The following ATP10D variants were observed in gnomAD, a reference collection of about 807,000 sequenced individuals.
The protein encoded by ATP10D is ATPase phospholipid transporting 10D (putative).
A neutral mutation model predicts 144.8 loss-of-function variants in ATP10D; 89 were observed. The ratio of observed to expected loss-of-function variants is 0.61; its 90% CI spans 0.52 to 0.73. The LOEUF is 0.73. Among genes scored for constraint, ATP10D ranks in the 30% least tolerant of loss-of-function variants. The pLI, the probability that ATP10D is intolerant of heterozygous loss-of-function variation, is 0.00. For synonymous variants in ATP10D, 571 were observed against 615.1 expected (o/e 0.93, Z 1.06); for missense variants, 1,603 against 1,714.8 (o/e 0.93, Z 1.15).
intron 5 of ATP10D, among the ~76,000 whole-genome samples, chr4:47,528,515 A>G (rs1055344418): frequency 5.2e-4 from 39 of 75,274 alleles, no homozygotes; most frequent in South Asian, 8.3e-4. Flanking sequence ...GTGTGTGTGT[A>G]TATATATATA....
At chr4:47,500,631 A>C (rs62300109) in intron 1 of ATP10D, among the ~76,000 whole-genome samples, 20,232 of 152,202 alleles carry the variant, frequency 0.13, 1,485 homozygotes, top group African/African-American at 0.19. Flanking sequence ...CAGGGCTAAT[A>C]TAGGGGAGAA....
At chr4:47,529,943 G>A (rs995189769) in intron 5 of ATP10D, among the ~76,000 whole-genome samples, 16 of 152,096 alleles carry the variant, frequency 1.1e-4, no homozygotes, top group Non-Finnish European at 1.8e-4. Context: ...TTGGTTCTCA[G>A]TTAGAATGTT....
intron 10 of ATP10D, among the ~76,000 whole-genome samples, chr4:47,550,964 A>C (rs1389207658): frequency 6.6e-6 from 1 of 152,248 alleles, no homozygotes; most frequent in Non-Finnish European, 1.5e-5. Context: ...TCCCATACAA[A>C]GGGAGGGAAC....
At chr4:47,519,290 C>A (rs1356046276) in intron 3 of ATP10D, among the ~76,000 whole-genome samples, 1 of 152,112 alleles carries the variant, frequency 6.6e-6, no homozygotes, top group African/African-American at 2.4e-5. Context: ...TGTATTAGTT[C>A]CAACTTTTCC....
At chr4:47,583,849 G>A (rs1241814829) in intron 21 of ATP10D, among the ~76,000 whole-genome samples, 1 of 152,188 alleles carries the variant, frequency 6.6e-6, no homozygotes, top group African/African-American at 2.4e-5. Context: ...GAGTGACTCT[G>A]GAGATGCACA....
chr4:47,519,543 C>G (rs1169864275), intron 3 of ATP10D, among the ~76,000 whole-genome samples: 2 of 152,230 alleles, frequency 1.3e-5, no homozygotes, highest in Non-Finnish European at 2.9e-5. Flanking sequence ...ATGTTTCCAT[C>G]TCCCAACACT....
intron 3 of ATP10D, among the ~76,000 whole-genome samples, chr4:47,515,911 C>T (rs1007109231): frequency 6.6e-6 from 1 of 152,108 alleles, no homozygotes; most frequent in African/African-American, 2.4e-5. Context: ...GCTTCTGTAA[C>T]TCATGTATAA....
chr4:47,506,228 G>C (rs866022452), intron 1 of ATP10D, among the ~76,000 whole-genome samples: 24 of 152,064 alleles, frequency 1.6e-4, no homozygotes, highest in South Asian at 4.2e-4. Flanking sequence ...CCAATGATTG[G>C]ACATGTTGAG....
intron 18 of ATP10D, among the ~76,000 whole-genome samples, chr4:47,576,450 C>T (rs1429291945): frequency 6.6e-6 from 1 of 152,184 alleles, no homozygotes; most frequent in Non-Finnish European, 1.5e-5. Flanking sequence ...GTTAATTACA[C>T]TTAATTTCCT....
intron 16 of ATP10D, among the ~76,000 whole-genome samples, chr4:47,569,605 C>CT (rs1184447792): frequency 6.6e-6 from 1 of 151,934 alleles, no homozygotes; most frequent in African/African-American, 2.4e-5. Flanking sequence ...GGCAAACTAC[C>CT]TTTTTACAAG....
At position 47,516,075 on chromosome 4, in the gene ATP10D, C is replaced by A. The variant is rs190512701; in HGVS notation, c.485+405C>A. Among the ~76,000 whole-genome samples the A allele has an allele frequency of 2.3e-3, 353 of 151,934 alleles. 9 individuals carry two copies. In the East Asian group the frequency reaches 0.057, roughly 25 times the overall value. On this transcript the variant is annotated intron_variant, in intron 3 of 22. Transcript: ENST00000273859. Reference sequence around the variant, plus strand: ...TGAAACCCTGTCTCTACTAAAAATACAAAAATTAGCCGGACGTGGTGGCAG... The same window carrying A: ...TGAAACCCTGTCTCTACTAAAAATAAAAAAATTAGCCGGACGTGGTGGCAG...
Position 47,568,899 on chromosome 4 carries a change from G to T in ATP10D, c.2916G>T (p.Leu972=), listed in dbSNP as rs771442459. The T allele has an allele frequency of 4.3e-6, 7 of 1,614,162 alleles. No individual in the cohort carries two copies. Among genetic ancestry groups the T allele is most frequent in the Non-Finnish European group, 5.9e-6 (7 of 1,180,030 alleles). The change falls in exon 16 of 23, where the codon CTG becomes CTT. Residue 972 remains leucine (L), a synonymous_variant. Transcript: ENST00000273859. Reference sequence around the variant, plus strand: ...AACTTCAGAAGAAAACTCAAGCCCTGCCAGAGCAAGTGTCATTAAGTGAAG... The same window carrying T: ...AACTTCAGAAGAAAACTCAAGCCCTTCCAGAGCAAGTGTCATTAAGTGAAG... ...LKELQKKTQA[L]PEQVSLSEDL...
chr4:47,591,064 G>T lies in ATP10D; in HGVS notation c.3964G>T (p.Gly1322Ter). Residue 1322 changes from glycine (G) to a stop codon, truncating the protein, a stop_gained, in exon 23 of 23, where the codon GGA (glycine) becomes TGA (stop). Coordinates refer to ENST00000273859, the MANE Select transcript of ATP10D (RefSeq NM_020453.4). LOFTEE classifies it low-confidence loss of function (END_TRUNC). ...LPRFVYRVLQ[G>*]SLFPSPILRA... ...TAGGTTTGTATACAGAGTTCTTCAG[G>T]GATCCCTGTTTCCATCTCCAATTCT... 1 of 1,609,534 alleles carries T rather than the reference G, an allele frequency of 6.2e-7. No individual in the cohort carries two copies. Among genetic ancestry groups the T allele is most frequent in the Non-Finnish European group, 8.5e-7 (1 of 1,177,826 alleles).
intron 15 of ATP10D, among the ~76,000 whole-genome samples, chr4:47,564,081 G>A (rs780400880): frequency 1.3e-5 from 2 of 152,064 alleles, no homozygotes; most frequent in African/African-American, 2.4e-5. Context: ...TAGTAGAGAC[G>A]GGGTTTCACC....
At chr4:47,551,839 G>A (rs1319163428) in intron 10 of ATP10D, among the ~76,000 whole-genome samples, 1 of 152,188 alleles carries the variant, frequency 6.6e-6, no homozygotes, top group African/African-American at 2.4e-5. Flanking sequence ...TGGATCTTGG[G>A]AGAAACAGCT....
chr4:47,574,202 T>C (rs1009628061), intron 18 of ATP10D, among the ~76,000 whole-genome samples: 4 of 152,132 alleles, frequency 2.6e-5, no homozygotes, highest in Non-Finnish European at 5.9e-5. Context: ...AACTCCAGAT[T>C]GAATCCAACA....
rs1401542662 is a variant in ATP10D at position 47,572,327 on chromosome 4, T to C, written c.3240+97T>C. On this transcript the variant is annotated intron_variant, in intron 17 of 22. Coordinates refer to ENST00000273859, the MANE Select transcript of ATP10D (RefSeq NM_020453.4). ...AATTCTCTGTGGCAGAGTGAGGCTG[T>C]GTGTGGCTAGCTGAGGAGTGGGAGA... 6 of 1,117,838 alleles carry C rather than the reference T, an allele frequency of 5.4e-6. No individual in the cohort carries two copies. The Admixed American group carries it at 7.1e-5, about 13-fold the overall frequency. The allele number at this position is 1,117,838 out of a possible 1,614,324, so 69.2% of individuals were successfully genotyped here. A position where few individuals can be genotyped will look rare whatever the true frequency, so the allele number is the denominator to read the frequency against.
chr4:47,510,463 G>A (rs892507052), intron 1 of ATP10D, among the ~76,000 whole-genome samples: 5 of 152,168 alleles, frequency 3.3e-5, no homozygotes, highest in Admixed American at 1.3e-4. Context: ...TAAAGATATT[G>A]AAAAGTCCTA....
intron 3 of ATP10D, among the ~76,000 whole-genome samples, chr4:47,516,407 T>C (rs1716691922): frequency 6.6e-6 from 1 of 152,210 alleles, no homozygotes; most frequent in Non-Finnish European, 1.5e-5. Context: ...AGAGAGTCTA[T>C]GTAGCCAAGA....
Sources: gnomAD v4.1 joint callset for allele counts (sites outside exome capture counted in the v4.1 genomes callset) on GRCh38, gnomAD v4.1.1 for gene constraint, MANE v1.5 for transcripts, NCBI Gene and HGNC (gene_info 2026-07-23, HGNC 2026-07-21) for gene names.